PRPS1L1: variants seen among roughly 807,000 people sequenced by gnomAD.
The protein encoded by PRPS1L1 is phosphoribosyl pyrophosphate synthetase 1 like 1.
In PRPS1L1, 12 loss-of-function variants were observed where a neutral mutation model predicts 16.4. That is an observed-to-expected ratio of 0.73 (90% confidence interval 0.47 to 1.19). The LOEUF (loss-of-function observed/expected upper bound fraction) is 1.19, where lower values mean the gene tolerates loss of function less well. Ranked by LOEUF, PRPS1L1 falls within the 50% of genes most tolerant of loss-of-function variation. The probability of loss-of-function intolerance (pLI) is 0.00; values close to 1 mark genes in which losing one functional copy is unlikely to be tolerated. For synonymous variants in PRPS1L1, 153 were observed against 142.5 expected, an observed-to-expected ratio of 1.07 and a Z score of -0.53; for missense variants, 408 against 395.8, an observed-to-expected ratio of 1.03 and a Z score of -0.26.
At position 18,027,452 on chromosome 7, in the gene PRPS1L1, G is replaced by A. The variant is rs773918883; in HGVS notation, c.331C>T (p.Leu111Phe). The A allele has an allele frequency of 3.7e-6, 6 of 1,614,096 alleles. No homozygotes were observed. The highest frequency in any genetic ancestry group is 5.1e-6 in the Non-Finnish European group (6 of 1,180,052). ...GCTATAGAGAGCATATTTGCAACAA[G>A]CTTGGCAGAGATTGGGGACCGGCTC... The change falls in exon 1 of 1, where the codon CTT becomes TTT. Residue 111 changes from leucine (L) to phenylalanine (F), a missense_variant. Transcript: ENST00000506618.
In PRPS1L1 at chr7:18,027,108, A is replaced by G; in HGVS notation, c.675T>C (p.Thr225=). The G allele has an allele frequency of 6.2e-7, 1 of 1,614,242 alleles. No individual in the cohort carries two copies. The highest frequency in any genetic ancestry group is 8.5e-7 in the Non-Finnish European group (1 of 1,180,038). The change falls in exon 1 of 1, where the codon ACT becomes ACC. Residue 225 remains threonine, a synonymous_variant. Transcript: ENST00000506618. ...CAGCTGCGAGGCAGATTGTAACACA[A>G]GTGTCTGCCATGTCATCTACAAGGA...
chr7:18,027,661 C>A lies in PRPS1L1; in HGVS notation c.122G>T (p.Cys41Phe), dbSNP rs1782210545. The A allele has an allele frequency of 3.1e-6, 5 of 1,614,024 alleles. No homozygotes were observed. In the South Asian group the frequency reaches 5.5e-5, roughly 18 times the overall value. Residue 41 changes from cysteine (C) to phenylalanine (F), a missense_variant, in exon 1 of 1, where the codon TGC becomes TTC. Physicochemically the swap from Cys to Phe is radical, Grantham distance 205. Coordinates refer to ENST00000506618, the MANE Select transcript of PRPS1L1 (RefSeq NM_175886.3). ...ACGCACACTCTCATCAATTTCCACG[C>A]AGGTCTCCTGGTTGCTGAATTTCTT...
At position 18,027,162 on chromosome 7, in the gene PRPS1L1, T is replaced by A. The variant is rs1583924661; in HGVS notation, c.621A>T (p.Leu207=). 1 of 1,614,234 alleles carries A rather than the reference T, an allele frequency of 6.2e-7. No individual in the cohort carries two copies. The highest frequency in any genetic ancestry group is 8.5e-7 in the Non-Finnish European group (1 of 1,180,042). ...CCACACGATCATTCACATCTCCCAC[T>A]AGCACTATGCAGTCCACTTCATTGG... Residue 207 remains leucine (L), a synonymous_variant, in exon 1 of 1, where the codon CTA becomes CTT. Transcript: ENST00000506618.
rs573536486 is a variant in PRPS1L1 at position 18,027,501 on chromosome 7, A to G, written c.282T>C (p.Tyr94=). The G allele has an allele frequency of 4.4e-4, 703 of 1,614,206 alleles. 9 individuals are homozygous for G. In the South Asian group the frequency reaches 6.9e-3, roughly 16 times the overall value. The change falls in exon 1 of 1, where the codon TAT becomes TAC. Residue 94 remains tyrosine, a synonymous_variant. Transcript: ENST00000506618. ...TCTTATCCTTCTTATCCTGTCGGGC[A>G]TAAGGGAAGCATGGGATGACTGCAG... is the stretch of plus-strand genomic sequence containing the variant.
At position 18,027,496 on chromosome 7, in the gene PRPS1L1, C is replaced by T. The variant is rs555412681; in HGVS notation, c.287G>A (p.Arg96Gln). ...CCGGCTCTTATCCTTCTTATCCTGT[C>T]GGGCATAAGGGAAGCATGGGATGAC... Residue 96 changes from arginine (R) to glutamine (Q), a missense_variant, in exon 1 of 1, where the codon CGA (arginine) becomes CAA (glutamine). Coordinates refer to ENST00000506618, the MANE Select transcript of PRPS1L1 (RefSeq NM_175886.3). 8.8e-5 allele frequency: 142 copies of T among 1,614,146 alleles called. 2 individuals are homozygous for T. In the South Asian group the frequency reaches 1.5e-3, roughly 17 times the overall value.
In PRPS1L1 at chr7:18,027,651, A is replaced by G; in HGVS notation, c.132T>C (p.Ile44=). 1 of 1,613,956 alleles carries G rather than the reference A, an allele frequency of 6.2e-7. No homozygotes were observed. The highest frequency in any genetic ancestry group is 1.1e-5 in the South Asian group (1 of 91,072). ...CATCCTCTCCACGCACACTCTCATC[A>G]ATTTCCACGCAGGTCTCCTGGTTGC... is the stretch of plus-strand genomic sequence containing the variant. Residue 44 remains isoleucine, a synonymous_variant, in exon 1 of 1, where the codon ATT becomes ATC. Transcript: ENST00000506618.
At position 18,027,339 on chromosome 7, in the gene PRPS1L1, C is replaced by T. The variant is rs377231158; in HGVS notation, c.444G>A (p.Glu148=). The T allele has an allele frequency of 1.5e-5, 25 of 1,613,912 alleles. No homozygotes were observed. The highest frequency in any genetic ancestry group is 6.7e-5 in the Admixed American group (4 of 59,978). The change falls in exon 1 of 1, where the codon GAG becomes GAA. Residue 148 remains glutamate, a synonymous_variant. Transcript: ENST00000506618. ...CCCTTATCCACTTCAGGACAGTTGGCTCTGCATACAAGTTGTCTACTGGGA... is the reference window on the plus strand; with the variant it reads ...CCCTTATCCACTTCAGGACAGTTGGTTCTGCATACAAGTTGTCTACTGGGA...
Position 18,027,767 on chromosome 7 carries a change from T to C in PRPS1L1, c.16A>G (p.Ile6Val). The C allele has an allele frequency of 6.2e-7, 1 of 1,614,094 alleles. No individual in the cohort carries two copies. Among genetic ancestry groups the C allele is most frequent in the East Asian group, 2.2e-5 (1 of 44,848 alleles). ...TCCTGGTGGGAGCTGCCGCTGAAGA[T>C]TTTGATATTCGGCGTCTTGGCCAAC... Residue 6 changes from isoleucine to valine, a missense_variant, in exon 1 of 1, where the codon ATC becomes GTC. Physicochemically the swap from Ile to Val is conservative, Grantham distance 29. Coordinates refer to ENST00000506618, the MANE Select transcript of PRPS1L1 (RefSeq NM_175886.3).
Position 18,027,345 on chromosome 7 carries a change from A to G in PRPS1L1, c.438T>C (p.Tyr146=), listed in dbSNP as rs1313115448. The G allele has an allele frequency of 2.6e-6, 4 of 1,544,558 alleles. No homozygotes were observed. Among genetic ancestry groups the G allele is most frequent in the African/African-American group, 1.3e-5 (1 of 74,448 alleles). The stretch of plus-strand genomic sequence containing the variant: ...TCCACTTCAGGACAGTTGGCTCTGC[A>G]TACAAGTTGTCTACTGGGATATCAA... Residue 146 remains tyrosine (Y), a synonymous_variant, in exon 1 of 1, where the codon TAT becomes TAC. Transcript: ENST00000506618.
At position 18,027,173 on chromosome 7, in the gene PRPS1L1, A is replaced by G; in HGVS notation, c.610T>C (p.Cys204Arg). The G allele has an allele frequency of 4.3e-6, 7 of 1,614,268 alleles. No homozygotes were observed. Among genetic ancestry groups the G allele is most frequent in the South Asian group, 2.2e-5 (2 of 91,092 alleles). Residue 204 changes from cysteine (C) to arginine (R), a missense_variant, in exon 1 of 1, where the codon TGC (cysteine) becomes CGC (arginine). By Grantham distance (180) the Cys-to-Arg change is radical. Transcript: ENST00000506618. ...TTCACATCTCCCACTAGCACTATGC[A>G]GTCCACTTCATTGGCCTTCTTCCGT...
chr7:18,026,882 T>A lies in PRPS1L1; in HGVS notation c.901A>T (p.Arg301Trp). 6.2e-7 allele frequency: 1 copy of A among 1,613,612 alleles called. No individual in the cohort carries two copies. The highest frequency in any genetic ancestry group is 8.5e-7 in the Non-Finnish European group (1 of 1,179,642). Reference sequence around the variant, plus strand: ...ACAGATTCCCCATTATGAGTTCTCCTTATGGCTTCTGCAAGGATCATGGAG... The same window carrying A: ...ACAGATTCCCCATTATGAGTTCTCCATATGGCTTCTGCAAGGATCATGGAG... The change falls in exon 1 of 1, where the codon AGG becomes TGG. Residue 301 changes from arginine to tryptophan, a missense_variant. By Grantham distance (101) the Arg-to-Trp change is moderately radical (BLOSUM62 -3). Transcript: ENST00000506618.
chr7:18,027,227 T>G lies in PRPS1L1; in HGVS notation c.556A>C (p.Asn186His). Residue 186 changes from asparagine (N) to histidine (H), a missense_variant, in exon 1 of 1, where the codon AAT becomes CAT. Coordinates refer to ENST00000506618, the MANE Select transcript of PRPS1L1 (RefSeq NM_175886.3). ...TTATGAATCAAAGCAAAGTCCACATTCAACTGGTCTGCAATGGAGGTCACT... is the reference window on the plus strand; with the variant it reads ...TTATGAATCAAAGCAAAGTCCACATGCAACTGGTCTGCAATGGAGGTCACT... The G allele has an allele frequency of 6.2e-7, 1 of 1,614,218 alleles. No homozygotes were observed.
rs1243439903 is a variant in PRPS1L1, at chr7:18,026,893, G to T, written c.890C>A (p.Ala297Glu). 4.3e-6 allele frequency: 7 copies of T among 1,613,916 alleles called. No individual in the cohort carries two copies. The highest frequency in any genetic ancestry group is 5.9e-6 in the Non-Finnish European group (7 of 1,179,862). The change falls in exon 1 of 1, where the codon GCA (alanine) becomes GAA (glutamate). Residue 297 changes from alanine (A) to glutamate (E), a missense_variant. Coordinates refer to ENST00000506618, the MANE Select transcript of PRPS1L1 (RefSeq NM_175886.3). ...ATTATGAGTTCTCCTTATGGCTTCT[G>T]CAAGGATCATGGAGATGTCAATTAC... is the stretch of plus-strand genomic sequence containing the variant.
Position 18,027,523 on chromosome 7 carries a change from G to T in PRPS1L1, c.260C>A (p.Ala87Glu). 1 of 1,614,170 alleles carries T rather than the reference G, an allele frequency of 6.2e-7. No homozygotes were observed. Among genetic ancestry groups the T allele is most frequent in the Non-Finnish European group, 8.5e-7 (1 of 1,180,036 alleles). Residue 87 changes from alanine (A) to glutamate (E), a missense_variant, in exon 1 of 1, where the codon GCA (alanine) becomes GAA (glutamate). Physicochemically the swap from Ala to Glu is moderately radical, Grantham distance 107. Transcript: ENST00000506618. Reference sequence around the variant, plus strand: ...GGCATAAGGGAAGCATGGGATGACTGCAGTAACTCGGCTAGCTGAAGCAAT... The same window carrying T: ...GGCATAAGGGAAGCATGGGATGACTTCAGTAACTCGGCTAGCTGAAGCAAT...
rs1320172099 is a variant in PRPS1L1, at chr7:18,027,288, G to T, written c.495C>A (p.Cys165Ter). Residue 165 changes from cysteine to a stop codon, truncating the protein, a stop_gained, in exon 1 of 1, where the codon TGC (cysteine) becomes TGA (stop). Coordinates refer to ENST00000506618, the MANE Select transcript of PRPS1L1 (RefSeq NM_175886.3). LOFTEE classifies it high-confidence loss of function. ...CACCAGCATCTGGCGAGACAATAAT[G>T]CAGTTCTTCCACTCAGGGATATTCT... The T allele has an allele frequency of 1.2e-6, 2 of 1,614,102 alleles. No individual in the cohort carries two copies. The highest frequency in any genetic ancestry group is 1.7e-6 in the Non-Finnish European group (2 of 1,180,056).
chr7:18,027,186 G>A lies in PRPS1L1; in HGVS notation c.597C>T (p.Ala199=). 1 of 1,614,136 alleles carries A rather than the reference G, an allele frequency of 6.2e-7. No homozygotes were observed. Among genetic ancestry groups the A allele is most frequent in the South Asian group, 1.1e-5 (1 of 91,076 alleles). ...CTAGCACTATGCAGTCCACTTCATT[G>A]GCCTTCTTCCGTTCTTTATGAATCA... The change falls in exon 1 of 1, where the codon GCC becomes GCT. Residue 199 remains alanine, a synonymous_variant. Coordinates refer to ENST00000506618, the MANE Select transcript of PRPS1L1 (RefSeq NM_175886.3).
chr7:18,027,834 C>G lies in PRPS1L1; in HGVS notation c.-52G>C. The G allele has an allele frequency of 6.4e-7, 1 of 1,564,848 alleles. No homozygotes were observed. The highest frequency in any genetic ancestry group is 8.8e-7 in the Non-Finnish European group (1 of 1,141,186). On this transcript the variant is annotated 5_prime_UTR_variant, in exon 1 of 1. Coordinates refer to ENST00000506618, the MANE Select transcript of PRPS1L1 (RefSeq NM_175886.3). Reference sequence around the variant, plus strand: ...TCGAGCGATCCAGCTGCCGCTGAGGCTGGAACGGAAGTGAAGCACAGACTC... The same window carrying G: ...TCGAGCGATCCAGCTGCCGCTGAGGGTGGAACGGAAGTGAAGCACAGACTC...
In PRPS1L1 at chr7:18,027,433, G is replaced by A; in HGVS notation, c.350C>T (p.Ser117Phe). Residue 117 changes from serine (S) to phenylalanine (F), a missense_variant, in exon 1 of 1, where the codon TCT (serine) becomes TTT (phenylalanine). Coordinates refer to ENST00000506618, the MANE Select transcript of PRPS1L1 (RefSeq NM_175886.3). ...GATGATATGATCCGCACCTGCTATA[G>A]AGAGCATATTTGCAACAAGCTTGGC... is the stretch of plus-strand genomic sequence containing the variant. 6.2e-7 allele frequency: 1 copy of A among 1,614,220 alleles called. No homozygotes were observed. Among genetic ancestry groups the A allele is most frequent in the Non-Finnish European group, 8.5e-7 (1 of 1,180,046 alleles).
At position 18,027,820 on chromosome 7, in the gene PRPS1L1, A is replaced by T; in HGVS notation, c.-38T>A. The T allele has an allele frequency of 6.3e-7, 1 of 1,595,576 alleles. No homozygotes were observed. Among genetic ancestry groups the T allele is most frequent in the Middle Eastern group, 1.7e-4 (1 of 6,028 alleles). ...CCAGAGGCACTCCGTCGAGCGATCCAGCTGCCGCTGAGGCTGGAACGGAAG... is the reference window on the plus strand; with the variant it reads ...CCAGAGGCACTCCGTCGAGCGATCCTGCTGCCGCTGAGGCTGGAACGGAAG... On this transcript the variant is annotated 5_prime_UTR_variant, in exon 1 of 1. Transcript: ENST00000506618.
Sources: allele counts gnomAD v4.1 joint callset, GRCh38; gene constraint gnomAD v4.1.1; transcripts MANE v1.5; gene names NCBI Gene and HGNC (gene_info 2026-07-23, HGNC 2026-07-21).